The following EPX variants were observed in gnomAD, a reference collection of about 807,000 sequenced individuals.
EPX encodes the protein eosinophil peroxidase.
In EPX, 60 loss-of-function variants were observed where a neutral mutation model predicts 73.0. The observed-to-expected ratio is 0.82, with a 90% confidence interval of 0.67 to 1.02. EPX has a LOEUF of 1.02. Ranked by LOEUF, EPX falls within the 50% of genes least tolerant of loss-of-function variation. The pLI is 0.00. For synonymous variants in EPX, 347 were observed against 389.2 expected (o/e 0.89, Z 1.28); for missense variants, 950 against 973.9 (o/e 0.98, Z 0.33).
chr17:58,200,198 T>C, intron 9 of EPX, 27 bp from the exon 10 acceptor site: 1 of 1,612,740 alleles, frequency 6.2e-7, no homozygotes, highest in South Asian at 1.1e-5. Context: ...TGGTCCAATC[T>C]GTGCTGCTCA....
chr17:58,200,176 C>T (rs1968319624), intron 9 of EPX, 49 bp from the exon 10 acceptor site: 1 of 1,591,816 alleles, frequency 6.3e-7, no homozygotes, highest in Non-Finnish European at 8.6e-7. Flanking sequence ...ACCCAAGTAG[C>T]TTCCCAGAGG....
Position 58,205,126 on chromosome 17 carries a change from AG to A in EPX, c.*404del, listed in dbSNP as rs1193958799. On this transcript the variant is annotated 3_prime_UTR_variant, in exon 13 of 13. Coordinates refer to ENST00000225371, the MANE Select transcript of EPX (RefSeq NM_000502.6). ...ACCCCACAATACTCCTCTGAGCCTG[AG>A]GCCAGGCAGCATGCTCTGCTTCTAC... 5.8e-6 allele frequency: 1 copy of A among 171,228 alleles called. No individual in the cohort carries two copies. Among genetic ancestry groups the A allele is most frequent in the Non-Finnish European group, 1.3e-5 (1 of 79,374 alleles). 10.6% of individuals were successfully genotyped at this position (171,228 alleles called of 1,614,324 possible). A position where few individuals can be genotyped will look rare whatever the true frequency, so the allele number is the denominator to read the frequency against.
chr17:58,202,938 C>G (rs909746194), intron 10 of EPX, 143 bp from the exon 11 acceptor site: 3 of 707,488 alleles, frequency 4.2e-6, no homozygotes, highest in African/African-American at 3.5e-5. Flanking sequence ...TTTGGAAGCT[C>G]TAGGGACTCT....
Position 58,203,224 on chromosome 17 carries a change from G to A in EPX, c.1852G>A (p.Ala618Thr). 1 of 1,614,148 alleles carries A rather than the reference G, an allele frequency of 6.2e-7. No homozygotes were observed. Among genetic ancestry groups the A allele is most frequent in the Non-Finnish European group, 8.5e-7 (1 of 1,180,004 alleles). The stretch of plus-strand genomic sequence containing the variant: ...TGACAACATTGACATCTGGATTGGG[G>A]CCATCGCTGAGCCTCTTTTGCCGGG... ...TPDNIDIWIG[A>T]IAEPLLPGAR... The change falls in exon 11 of 13, where the codon GCC becomes ACC. Residue 618 changes from alanine (A) to threonine (T), a missense_variant. Transcript: ENST00000225371.
chr17:58,199,316 C>A, intron 8 of EPX, 116 bp downstream of exon 8: 2 of 1,209,244 alleles, frequency 1.7e-6, no homozygotes, highest in Non-Finnish European at 2.4e-6. Context: ...ACTGGCGGAG[C>A]ACCTGGACCT....
At chr17:58,194,929 G>C in intron 5 of EPX, 35 bp from the exon 6 acceptor site, 1 of 1,545,878 alleles carries the variant, frequency 6.5e-7, no homozygotes, top group Non-Finnish European at 8.9e-7. Flanking sequence ...GGGTCAGGGA[G>C]CCCATGTCCC....
At chr17:58,193,349 T>C (rs759767058) in intron 2 of EPX, 22 bp from the exon 3 acceptor site, 7 of 1,613,712 alleles carry the variant, frequency 4.3e-6, no homozygotes, top group Admixed American at 3.3e-5. Flanking sequence ...TCTCCAGCCC[T>C]CACTCCTCCT....
chr17:58,196,981 A>C lies in EPX; in HGVS notation c.844A>C (p.Ile282Leu), dbSNP rs751413626. 6.2e-7 allele frequency: 1 copy of C among 1,614,072 alleles called. No individual in the cohort carries two copies. Among genetic ancestry groups the C allele is most frequent in the Non-Finnish European group, 8.5e-7 (1 of 1,180,020 alleles). The change falls in exon 7 of 13, where the codon ATC (isoleucine) becomes CTC (leucine). Residue 282 changes from isoleucine to leucine, a missense_variant. By Grantham distance (5) the Ile-to-Leu change is conservative. Coordinates refer to ENST00000225371, the MANE Select transcript of EPX (RefSeq NM_000502.6). Reference sequence around the variant, plus strand: ...CCGCATCAAGAACCAGCGTGACTGCATCCCTTTCTTCCGCTCGGCACCCTC... The same window carrying C: ...CCGCATCAAGAACCAGCGTGACTGCCTCCCTTTCTTCCGCTCGGCACCCTC... ...DPRIKNQRDC[I>L]PFFRSAPSCP...
rs574158253 is a variant in EPX, at chr17:58,195,350, G to T, written c.801+180G>T. 1.8e-4 allele frequency among the ~76,000 whole-genome samples: 28 copies of T among 152,338 alleles called. No homozygotes were observed. The South Asian group carries it at 5.8e-3, about 32-fold the overall frequency. Reference sequence around the variant, plus strand: ...GAGACCCCGCGCCGTGTGTGTTTGAGAGGTGGGGGTAGGGCAATCTGCCAG... The same window carrying T: ...GAGACCCCGCGCCGTGTGTGTTTGATAGGTGGGGGTAGGGCAATCTGCCAG... On this transcript the variant is annotated intron_variant, in intron 6 of 12. Coordinates refer to ENST00000225371, the MANE Select transcript of EPX (RefSeq NM_000502.6).
At position 58,199,162 on chromosome 17, in the gene EPX, T is replaced by C. The variant is rs1182104122; in HGVS notation, c.1243T>C (p.Tyr415His). The change falls in exon 8 of 13, where the codon TAC becomes CAC. Residue 415 changes from tyrosine to histidine, a missense_variant. Coordinates refer to ENST00000225371, the MANE Select transcript of EPX (RefSeq NM_000502.6). Reference protein sequence around the residue: ...LNPRWNGDKLYNEARKIMGAM... With the variant: ...LNPRWNGDKLHNEARKIMGAM... ...TCCCCGGTGGAATGGAGACAAACTG[T>C]ACAATGAGGCTCGGAAGATCATGGG... 2 of 1,613,868 alleles carry C rather than the reference T, an allele frequency of 1.2e-6. No homozygotes were observed. The highest frequency in any genetic ancestry group is 2.2e-5 in the East Asian group (1 of 44,886).
chr17:58,193,341 T>C (rs774408159), intron 2 of EPX, 30 bp from the exon 3 acceptor site: 24 of 1,613,112 alleles, frequency 1.5e-5, no homozygotes, highest in Non-Finnish European at 2.0e-5. Flanking sequence ...GCACCCTCTC[T>C]CCAGCCCTCA....
intron 2 of EPX, 49 bp from the exon 3 acceptor site, chr17:58,193,322 G>T: frequency 6.3e-7 from 1 of 1,593,336 alleles, no homozygotes; most frequent in South Asian, 1.1e-5. Flanking sequence ...GTCTCTGCTG[G>T]GTGGGTCTGC....
chr17:58,203,219 T>C lies in EPX; in HGVS notation c.1847T>C (p.Ile616Thr). The C allele has an allele frequency of 1.9e-6, 3 of 1,614,180 alleles. No homozygotes were observed. The highest frequency in any genetic ancestry group is 2.2e-5 in the East Asian group (1 of 44,886). The change falls in exon 11 of 13, where the codon ATT becomes ACT. Residue 616 changes from isoleucine to threonine, a missense_variant. Transcript: ENST00000225371. ...ACACCTGACAACATTGACATCTGGA[T>C]TGGGGCCATCGCTGAGCCTCTTTTG... Reference protein sequence around the residue: ...YGTPDNIDIWIGAIAEPLLPG... With the variant: ...YGTPDNIDIWTGAIAEPLLPG...
At chr17:58,193,902 C>T (rs1045408210) in intron 4 of EPX, 61 bp from the exon 5 acceptor site, 2 of 1,610,218 alleles carry the variant, frequency 1.2e-6, no homozygotes, top group Non-Finnish European at 1.7e-6. Flanking sequence ...CACCCTCTCC[C>T]TCCATGCTGA....
At chr17:58,204,523 A>G (rs1252878624) in intron 12 of EPX, 89 bp downstream of exon 12, 2 of 787,180 alleles carry the variant, frequency 2.5e-6, no homozygotes, top group Admixed American at 4.1e-5. Context: ...TAGGTCTCTA[A>G]GCAGAGAAAA....
chr17:58,194,214 T>C, intron 5 of EPX, 122 bp downstream of exon 5: 1 of 976,100 alleles, frequency 1.0e-6, no homozygotes, highest in Admixed American at 2.0e-5. Flanking sequence ...GTGCAGTGAC[T>C]TGAGGCAAAT....
chr17:58,198,995 T>C, intron 7 of EPX, 45 bp from the exon 8 acceptor site: 1 of 1,606,490 alleles, frequency 6.2e-7, no homozygotes. Flanking sequence ...AGAAAGACAT[T>C]TCTCTGGGAA....
In EPX at chr17:58,193,829, C is replaced by G. The variant is rs759372424; in HGVS notation, c.462C>G (p.Asn154Lys). 3 of 1,610,892 alleles carry G rather than the reference C, an allele frequency of 1.9e-6. No homozygotes were observed. Among genetic ancestry groups the G allele is most frequent in the South Asian group, 1.1e-5 (1 of 91,016 alleles). ...KYRTITGRCN[N>K]KRRPLLGASN... ...GCACCATCACTGGACGGTGCAACAA[C>G]AAGTGCGTGCGGGGCGGCAGGAGGG... Residue 154 changes from asparagine (N) to lysine (K), a missense_variant and splice_region_variant, in exon 4 of 13, where the codon AAC becomes AAG. Transcript: ENST00000225371.
chr17:58,192,818 T>C lies in EPX; in HGVS notation c.-29T>C, dbSNP rs767562364. 2 of 1,606,294 alleles carry C rather than the reference T, an allele frequency of 1.2e-6. No individual in the cohort carries two copies. Among genetic ancestry groups the C allele is most frequent in the South Asian group, 2.2e-5 (2 of 90,346 alleles). On this transcript the variant is annotated 5_prime_UTR_variant, in exon 1 of 13. Transcript: ENST00000225371. ...CGTGCAGGCTGTGGATGTCACTCAC[T>C]TCCCAGCTGGTGAAGCCTCGCTGCA...
Sources: allele counts gnomAD v4.1 joint callset (sites outside exome capture counted in the v4.1 genomes callset), GRCh38; gene constraint gnomAD v4.1.1; transcripts MANE v1.5; gene names NCBI Gene and HGNC (gene_info 2026-07-23, HGNC 2026-07-21).